The following SMAP2 variants were observed in gnomAD, a reference collection of about 807,000 sequenced individuals.
SMAP2 encodes small ArfGAP2.
In SMAP2, 25 loss-of-function variants were observed where a neutral mutation model predicts 56.4. The ratio of observed to expected loss-of-function variants is 0.44; its 90% confidence interval spans 0.32 to 0.62. SMAP2 has a LOEUF of 0.62. SMAP2 is among the 20% of genes least tolerant of loss of function. The probability of loss-of-function intolerance (pLI) is 0.04; values close to 1 mark genes in which losing one functional copy is unlikely to be tolerated. For missense variants in SMAP2, 388 were observed against 545.6 expected (o/e 0.71, Z 2.88); for synonymous variants, 157 against 181.7 (o/e 0.86, Z 1.09).
At chr1:40,389,933 C>CCA (rs1644700421) in intron 1 of SMAP2, among the ~76,000 whole-genome samples, 1 of 150,502 alleles carries the variant, frequency 6.6e-6, no homozygotes, top group African/African-American at 2.5e-5. Context: ...CCGCCCACCC[C>CCA]CAGACCTGCC....
intron 1 of SMAP2, among the ~76,000 whole-genome samples, chr1:40,403,008 G>T (rs1644850592): frequency 6.6e-6 from 1 of 152,114 alleles, no homozygotes; most frequent in Admixed American, 6.6e-5. Flanking sequence ...GGCAGGGTGG[G>T]GGTGTGTAGC....
chr1:40,417,127 G>A, intron 9 of SMAP2, 31 bp downstream of exon 9: 1 of 1,541,948 alleles, frequency 6.5e-7, no homozygotes. Flanking sequence ...TGCAGCAAGA[G>A]TTTTGAGCCT....
chr1:40,352,285 TTTC>T (rs1644412066), intron 1 of SMAP2, among the ~76,000 whole-genome samples: 1 of 152,148 alleles, frequency 6.6e-6, no homozygotes, highest in Non-Finnish European at 1.5e-5. Flanking sequence ...ATACAAGGCC[TTTC>T]GTGATCTGGC....
intron 1 of SMAP2, among the ~76,000 whole-genome samples, chr1:40,380,561 G>A (rs1282802250): frequency 6.9e-6 from 1 of 144,594 alleles, no homozygotes; most frequent in Admixed American, 7.0e-5. Flanking sequence ...ATGGAGTCTC[G>A]CTCTGTTGCC....
At chr1:40,352,755 T>G (rs780243733) in intron 1 of SMAP2, among the ~76,000 whole-genome samples, 3 of 152,070 alleles carry the variant, frequency 2.0e-5, no homozygotes, top group Non-Finnish European at 2.9e-5. Flanking sequence ...CTCAAACTCC[T>G]GGCCTCAAGC....
At position 40,366,072 on chromosome 1, in the gene SMAP2, C is replaced by T. The variant is rs532731298; in HGVS notation, c.55+3636C>T. 6.2e-3 allele frequency among the ~76,000 whole-genome samples: 931 copies of T among 149,862 alleles called. 10 individuals carry two copies. Among genetic ancestry groups the T allele is most frequent in the Non-Finnish European group, 0.011 (732 of 67,424 alleles). ...TGAAGAATGCAGAAGCCTCAGGAGC[C>T]GATGCGATCAACTGGAAGAAAGGGT... On this transcript the variant is annotated intron_variant, in intron 2 of 6. Coordinates refer to the SMAP2 transcript ENST00000435168.
Position 40,421,469 on chromosome 1 carries a change from G to A in SMAP2, c.1165-507G>A, listed in dbSNP as rs374138778. ...ATTAGTCTTCCCCCGCCCCCGCCCC[G>A]CCACCGCCTTTGTTCATTCTGAACA... On this transcript the variant is annotated intron_variant, in intron 9 of 9. Transcript: ENST00000372718. Among the ~76,000 whole-genome samples, 9 of 140,582 alleles carry A rather than the reference G, an allele frequency of 6.4e-5. No homozygotes were observed. In the South Asian group the frequency reaches 1.8e-3, roughly 28 times the overall value. 92.2% of individuals were successfully genotyped at this position (140,582 alleles called of 152,430 possible).
intron 2 of SMAP2, among the ~76,000 whole-genome samples, chr1:40,366,104 A>G (rs982305938): frequency 6.6e-6 from 1 of 151,438 alleles, no homozygotes; most frequent in African/African-American, 2.4e-5. Flanking sequence ...GGGTGTCAGC[A>G]ATGGAAGATG....
intron 1 of SMAP2, among the ~76,000 whole-genome samples, chr1:40,347,233 T>TGG (rs1644390264): frequency 9.4e-6 from 1 of 106,712 alleles, no homozygotes; most frequent in Non-Finnish European, 1.8e-5. Flanking sequence ...TGTGTTTGTG[T>TGG]GTGTGTGTTT....
chr1:40,359,447 G>T (rs1000077675), intron 1 of SMAP2, among the ~76,000 whole-genome samples: 1 of 152,092 alleles, frequency 6.6e-6, no homozygotes, highest in Non-Finnish European at 1.5e-5. Flanking sequence ...AGATCACCAG[G>T]TCTTGTTTTT....
chr1:40,416,022 T>C lies in SMAP2; in HGVS notation c.682-154T>C, dbSNP rs917069037. ...AACAGAGCTTAATTATCAGGTGTGT[T>C]CAGATAGTTGAATGGTAAAAATGTT... On this transcript the variant is annotated intron_variant, in intron 7 of 9. Coordinates refer to ENST00000372718, the MANE Select transcript of SMAP2 (RefSeq NM_022733.3). Among the ~76,000 whole-genome samples the C allele has an allele frequency of 9.2e-5, 14 of 152,312 alleles. 1 individual carries two copies. Among genetic ancestry groups the C allele is most frequent in the East Asian group, 5.8e-4 (3 of 5,182 alleles).
rs191770291 is a variant in SMAP2, at chr1:40,416,924, C to T, written c.992C>T (p.Ala331Val). 2 of 1,614,222 alleles carry T rather than the reference C, an allele frequency of 1.2e-6. No homozygotes were observed. The highest frequency in any genetic ancestry group is 2.7e-5 in the African/African-American group (2 of 75,060). The change falls in exon 9 of 10, where the codon GCC becomes GTC. Residue 331 changes from alanine (A) to valine (V), a missense_variant. Ala to Val is a moderately conservative substitution (Grantham distance 64). Coordinates refer to ENST00000372718, the MANE Select transcript of SMAP2 (RefSeq NM_022733.3). ...VAQPGASGMVAPMAMPAGYMG... is the reference protein window; with the variant it reads ...VAQPGASGMVVPMAMPAGYMG... Reference sequence around the variant, plus strand: ...CAGCCAGGAGCTTCTGGGATGGTTGCCCCCATGGCCATGCCTGCAGGCTAT... The same window carrying T: ...CAGCCAGGAGCTTCTGGGATGGTTGTCCCCATGGCCATGCCTGCAGGCTAT...
In SMAP2 at chr1:40,417,015, C is replaced by T. The variant is rs774351995; in HGVS notation, c.1083C>T (p.Gly361=). Reference sequence around the variant, plus strand: ...GAATGATGACCACCCAGCAGGCTGGCTACATGGCAGGCATGGCAGCTATGC... The same window carrying T: ...GAATGATGACCACCCAGCAGGCTGGTTACATGGCAGGCATGGCAGCTATGC... The part of the protein sequence containing the change: ...PNGMMTTQQA[G]YMAGMAAMPQ... The change falls in exon 9 of 10, where the codon GGC becomes GGT. Residue 361 remains glycine (G), a synonymous_variant. Transcript: ENST00000372718. 8.7e-6 allele frequency: 14 copies of T among 1,614,156 alleles called. 1 individual carries two copies. In the South Asian group the frequency reaches 1.5e-4, roughly 18 times the overall value.
intron 1 of SMAP2, among the ~76,000 whole-genome samples, chr1:40,401,844 C>G (rs550294822): frequency 6.6e-6 from 1 of 152,340 alleles, no homozygotes; most frequent in African/African-American, 2.4e-5. Context: ...CGATACTGAA[C>G]TGGTACTTAG....
chr1:40,345,069 C>T (rs1272283899), intron 1 of SMAP2, among the ~76,000 whole-genome samples: 1 of 151,486 alleles, frequency 6.6e-6, no homozygotes, highest in East Asian at 1.9e-4. Context: ...GCTCTAAAGA[C>T]TGACATTTAT....
intron 1 of SMAP2, among the ~76,000 whole-genome samples, chr1:40,349,661 G>A (rs1644402406): frequency 6.6e-6 from 1 of 152,144 alleles, no homozygotes; most frequent in African/African-American, 2.4e-5. Context: ...TGGGATTACA[G>A]GCACGTGCCA....
At position 40,387,411 on chromosome 1, in the gene SMAP2, G is replaced by A. The variant is rs118155793; in HGVS notation, c.103+13188G>A. 3.1e-4 allele frequency among the ~76,000 whole-genome samples: 47 copies of A among 152,280 alleles called. No individual in the cohort carries two copies. The East Asian group carries it at 7.1e-3, about 23-fold the overall frequency. ...GTTGTTAGAGTGATGGGTTATTTAT[G>A]TGTTCAGATTTGAGTAGTCAAGTGG... On this transcript the variant is annotated intron_variant, in intron 1 of 9. Transcript: ENST00000372718.
At chr1:40,416,635 G>T (rs982864131) in intron 8 of SMAP2, 145 bp from the exon 9 acceptor site, 1 of 894,486 alleles carries the variant, frequency 1.1e-6, no homozygotes, top group Admixed American at 2.9e-5. Flanking sequence ...GCCTCGTAGG[G>T]ACTCTAACTA....
intron 8 of SMAP2, 37 bp from the exon 9 acceptor site, chr1:40,416,743 C>T (rs753525618): frequency 6.4e-7 from 1 of 1,563,030 alleles, no homozygotes; most frequent in Non-Finnish European, 8.7e-7. Flanking sequence ...TATGTTTTTC[C>T]CTCTTTAACC....
Sources: allele counts gnomAD v4.1 joint callset (sites outside exome capture counted in the v4.1 genomes callset), GRCh38; gene constraint gnomAD v4.1.1; transcripts MANE v1.5; gene names NCBI Gene and HGNC (gene_info 2026-07-23, HGNC 2026-07-21).